The following CAMK4 variants were observed in gnomAD, a reference collection of about 807,000 sequenced individuals.
CAMK4 encodes calcium/calmodulin dependent protein kinase IV.
In CAMK4, 22 loss-of-function variants were observed where a neutral mutation model predicts 44.9. The observed-to-expected ratio is 0.49, with a 90% confidence interval of 0.35 to 0.70. CAMK4 has a LOEUF of 0.70. Among genes scored for constraint, CAMK4 ranks in the 30% least tolerant of loss-of-function variants. CAMK4 has a pLI of 0.01. For missense variants in CAMK4, 498 were observed against 586.8 expected (o/e 0.85, Z 1.56); for synonymous variants, 218 against 215.4 (o/e 1.01, Z -0.11).
At chr5:111,391,014 T>C (rs958017552) in intron 4 of CAMK4, among the ~76,000 whole-genome samples, 4 of 152,168 alleles carry the variant, frequency 2.6e-5, no homozygotes, top group Admixed American at 6.6e-5. Context: ...AAGCTGAAAT[T>C]GGGAGTGATT....
At chr5:111,297,859 A>C (rs2112639282) in intron 1 of CAMK4, among the ~76,000 whole-genome samples, 1 of 152,282 alleles carries the variant, frequency 6.6e-6, no homozygotes, top group South Asian at 2.1e-4. Context: ...GGTGCCTTTT[A>C]CCTGTAGTTG....
chr5:111,327,468 T>C (rs1748949702), intron 1 of CAMK4, among the ~76,000 whole-genome samples: 1 of 152,136 alleles, frequency 6.6e-6, no homozygotes. Context: ...ACAATAAACA[T>C]ATGTGTGCAT....
chr5:111,476,434 T>C (rs923719039), intron 8 of CAMK4, among the ~76,000 whole-genome samples: 4 of 151,944 alleles, frequency 2.6e-5, no homozygotes, highest in Admixed American at 2.0e-4. Flanking sequence ...CGTGCCACCA[T>C]GCCCAGCTAA....
At chr5:111,463,586 C>T (rs115802883) in intron 7 of CAMK4, among the ~76,000 whole-genome samples, 2 of 152,306 alleles carry the variant, frequency 1.3e-5, no homozygotes, top group South Asian at 4.1e-4. Context: ...TCACAGAGTC[C>T]ATTTCACTTT....
chr5:111,378,364 A>G (rs1289036342), intron 4 of CAMK4, among the ~76,000 whole-genome samples: 1 of 152,120 alleles, frequency 6.6e-6, no homozygotes, highest in Non-Finnish European at 1.5e-5. Flanking sequence ...CAAATGGACT[A>G]AGACACCTTC....
At chr5:111,274,252 C>G (rs1217959748) in intron 1 of CAMK4, among the ~76,000 whole-genome samples, 1 of 152,138 alleles carries the variant, frequency 6.6e-6, no homozygotes, top group Non-Finnish European at 1.5e-5. Context: ...TCCTCCCATT[C>G]ATTCTCCCTC....
chr5:111,420,637 A>G (rs1752991968), intron 5 of CAMK4, among the ~76,000 whole-genome samples: 1 of 152,194 alleles, frequency 6.6e-6, no homozygotes. Context: ...ACCATAAAAG[A>G]CAGGCACACC....
intron 1 of CAMK4, among the ~76,000 whole-genome samples, chr5:111,277,180 G>A (rs1458201257): frequency 1.3e-5 from 2 of 152,210 alleles, no homozygotes; most frequent in Non-Finnish European, 2.9e-5. Flanking sequence ...CAGAACGCAT[G>A]AAGCTCCATG....
chr5:111,414,454 A>G (rs958452084), intron 5 of CAMK4, among the ~76,000 whole-genome samples: 3 of 152,200 alleles, frequency 2.0e-5, no homozygotes, highest in Admixed American at 1.3e-4. Context: ...AATGATTTAA[A>G]TCAACACCAA....
At chr5:111,287,096 C>A (rs1264229859) in intron 1 of CAMK4, among the ~76,000 whole-genome samples, 1 of 152,118 alleles carries the variant, frequency 6.6e-6, no homozygotes, top group Admixed American at 6.5e-5. Context: ...ATAAGAATGG[C>A]CTTACTGAAA....
intron 1 of CAMK4, among the ~76,000 whole-genome samples, chr5:111,283,459 A>G (rs1231022812): frequency 6.6e-6 from 1 of 152,254 alleles, no homozygotes; most frequent in African/African-American, 2.4e-5. Flanking sequence ...CTGTGCCGTC[A>G]AAAGTATCAA....
At chr5:111,264,919 C>T (rs2112569273) in intron 1 of CAMK4, among the ~76,000 whole-genome samples, 1 of 152,276 alleles carries the variant, frequency 6.6e-6, no homozygotes, top group African/African-American at 2.4e-5. Context: ...GTTTCCATGA[C>T]TGGCTTTCTT....
At chr5:111,325,401 TGGTATTTCTG>T (rs1265412090) in intron 1 of CAMK4, among the ~76,000 whole-genome samples, 1 of 152,082 alleles carries the variant, frequency 6.6e-6, no homozygotes, top group East Asian at 1.9e-4. Context: ...CCGGGTCAAA[TGGTATTTCTG>T]GTTCTAGATC....
chr5:111,423,377 T>C (rs1030981155), intron 5 of CAMK4, among the ~76,000 whole-genome samples: 2 of 152,226 alleles, frequency 1.3e-5, no homozygotes, highest in African/African-American at 4.8e-5. Context: ...AACATAATTT[T>C]TCACAAATAC....
chr5:111,471,559 A>T (rs151320645), intron 7 of CAMK4, among the ~76,000 whole-genome samples: 162 of 152,326 alleles, frequency 1.1e-3, no homozygotes, highest in Non-Finnish European at 1.6e-3. Flanking sequence ...AGCAGAATTC[A>T]TGTTTCTCAG....
chr5:111,382,736 ATAAT>A (rs1195337762), intron 4 of CAMK4, among the ~76,000 whole-genome samples: 2 of 152,204 alleles, frequency 1.3e-5, no homozygotes, highest in Non-Finnish European at 2.9e-5. Context: ...TGATCTAATA[ATAAT>A]TAAATAAGAT....
At chr5:111,249,187 C>G (rs1242977699) in intron 1 of CAMK4, among the ~76,000 whole-genome samples, 5 of 152,102 alleles carry the variant, frequency 3.3e-5, no homozygotes, top group Non-Finnish European at 5.9e-5. Context: ...TATTCCTTTC[C>G]TCATTGTTCA....
chr5:111,237,366 AG>A (rs1053724543), intron 1 of CAMK4, among the ~76,000 whole-genome samples: 3 of 152,154 alleles, frequency 2.0e-5, no homozygotes, highest in African/African-American at 4.8e-5. Flanking sequence ...GTTTTCTTCC[AG>A]TTGAATTCTC....
chr5:111,224,202 A>T (rs936659347), upstream of CAMK4: 6 of 285,122 alleles, frequency 2.1e-5, no homozygotes. The surrounding 1 kb of genome is among the most constrained non-coding windows in gnomAD (Gnocchi z 5.7). Context: ...GCGGGTGAGG[A>T]GGGAAGGAGC....
Sources: allele counts gnomAD v4.1 joint callset (sites outside exome capture counted in the v4.1 genomes callset), GRCh38; gene constraint gnomAD v4.1.1; non-coding constraint Gnocchi (gnomAD v3.1); transcripts MANE v1.5; gene names NCBI Gene and HGNC (gene_info 2026-07-23, HGNC 2026-07-21).